Variants in QSER1 observed in about 807,000 individuals in gnomAD.
QSER1 encodes glutamine and serine-rich protein 1.
QSER1 carries 49 observed loss-of-function variants against 158.5 expected under a neutral mutation model. The ratio of observed to expected loss-of-function variants is 0.31; its 90% CI spans 0.25 to 0.39. QSER1 has a LOEUF of 0.39. Ranked by LOEUF, QSER1 falls within the 10% of genes least tolerant of loss-of-function variation. QSER1 has a pLI of 1.00. For missense variants in QSER1, 1,754 were observed against 2,010.3 expected (o/e 0.87, Z 2.44); for synonymous variants, 650 against 715.5 (o/e 0.91, Z 1.46).
intron 11 of QSER1, 92 bp from the exon 12 acceptor site, chr11:32,975,156 G>T: frequency 1.3e-6 from 1 of 796,776 alleles, no homozygotes; most frequent in Non-Finnish European, 1.9e-6. Context: ...TTTCAACATT[G>T]CCATTGAGAC....
At chr11:32,961,981 T>G (rs115907450) in intron 8 of QSER1, among the ~76,000 whole-genome samples, 46 of 152,322 alleles carry the variant, frequency 3.0e-4, no homozygotes, top group African/African-American at 1.1e-3. Flanking sequence ...ATTTTCAATT[T>G]TGGAGGCATA....
rs1292179411 is a variant in QSER1, at chr11:32,980,167, T to C, written c.*3693T>C. 1 of 152,646 alleles carries C rather than the reference T, an allele frequency of 6.6e-6. No individual in the cohort carries two copies. The highest frequency in any genetic ancestry group is 1.5e-5 in the Non-Finnish European group (1 of 68,034). The allele number at this position is 152,646 out of a possible 1,614,324, so 9.5% of individuals were successfully genotyped here. ...TGCATTTGTAGTCCAGCGTTTTCAT[T>C]TGGTCCATAACACAATGTATGGAAA... On this transcript the variant is annotated 3_prime_UTR_variant, in exon 13 of 13. Coordinates refer to ENST00000650167, the MANE Select transcript of QSER1 (RefSeq NM_001076786.3).
intron 4 of QSER1, among the ~76,000 whole-genome samples, chr11:32,951,483 A>G (rs976152254): frequency 1.3e-5 from 2 of 152,158 alleles, no homozygotes; most frequent in African/African-American, 4.8e-5. Context: ...TCAGATTTTT[A>G]TAGGAATTGG....
intron 1 of QSER1, among the ~76,000 whole-genome samples, chr11:32,907,973 A>G (rs1464290580): frequency 2.0e-5 from 3 of 152,190 alleles, no homozygotes; most frequent in Non-Finnish European, 4.4e-5. Context: ...GGTGGCATGC[A>G]TCTGGAGTCT....
chr11:32,905,697 T>C (rs1029565416), intron 1 of QSER1, among the ~76,000 whole-genome samples: 4 of 152,208 alleles, frequency 2.6e-5, no homozygotes, highest in Non-Finnish European at 4.4e-5. Flanking sequence ...CTAAGACTCG[T>C]AAGTTGTGTT....
chr11:32,934,959 G>C lies in QSER1; in HGVS notation c.3701G>C (p.Arg1234Thr). The change falls in exon 4 of 13, where the codon AGG (arginine) becomes ACG (threonine). Residue 1234 changes from arginine (R) to threonine (T), a missense_variant. By Grantham distance (71) the Arg-to-Thr change is moderately conservative. Around this residue, in one of 2 missense-constraint regions of QSER1, gnomAD observed 1,707 missense variants for 1,919.6 expected, o/e 0.89. Transcript: ENST00000650167. The part of the protein sequence containing the change: ...RPAQGKRQNP[R>T]GTDIYLPYTP... ...GCCCAAGGCAAACGCCAGAATCCAA[G>C]GGGAACAGATATTTACTTACCGTAT... 1 of 1,614,106 alleles carries C rather than the reference G, an allele frequency of 6.2e-7. No individual in the cohort carries two copies. The highest frequency in any genetic ancestry group is 8.5e-7 in the Non-Finnish European group (1 of 1,180,002).
At chr11:32,956,590 T>G (rs1043092787) in intron 7 of QSER1, among the ~76,000 whole-genome samples, 1 of 152,234 alleles carries the variant, frequency 6.6e-6, no homozygotes, top group Non-Finnish European at 1.5e-5. Flanking sequence ...CTGGGTTGTC[T>G]GGAGCATGAA....
At chr11:32,901,525 C>T (rs1013387438) in intron 1 of QSER1, among the ~76,000 whole-genome samples, 6 of 152,104 alleles carry the variant, frequency 3.9e-5, no homozygotes, top group Non-Finnish European at 8.8e-5. Flanking sequence ...AGAAGGAGCT[C>T]CTAAGAATAA....
intron 1 of QSER1, among the ~76,000 whole-genome samples, chr11:32,926,440 AAAAAG>A (rs1474395960): frequency 6.6e-6 from 1 of 152,214 alleles, no homozygotes; most frequent in East Asian, 1.9e-4. Flanking sequence ...GTTTAGCAAA[AAAAAG>A]AAAAGTGGGT....
intron 4 of QSER1, among the ~76,000 whole-genome samples, chr11:32,949,855 A>C (rs542813501): frequency 1.0e-3 from 157 of 152,252 alleles, no homozygotes; most frequent in African/African-American, 3.8e-3. Context: ...AGCAACAAGG[A>C]GGTCTTTATT....
At chr11:32,975,191 G>A in intron 11 of QSER1, 57 bp from the exon 12 acceptor site, 1 of 1,243,588 alleles carries the variant, frequency 8.0e-7, no homozygotes, top group South Asian at 1.6e-5. Context: ...TTTCCTCAAA[G>A]TGTTCTTAGC....
At position 32,934,864 on chromosome 11, in the gene QSER1, G is replaced by A; in HGVS notation, c.3606G>A (p.Lys1202=). 3 of 1,614,002 alleles carry A rather than the reference G, an allele frequency of 1.9e-6. No homozygotes were observed. Among genetic ancestry groups the A allele is most frequent in the Non-Finnish European group, 2.5e-6 (3 of 1,179,974 alleles). ...NQDLMHFNLQ[K]KRAKGKGQVK... is the part of the protein sequence containing the mutation. ...ATTTAATGCATTTTAACCTTCAAAA[G>A]AAAAGAGCTAAAGGAAAAGGGCAAG... The change falls in exon 4 of 13, where the codon AAG becomes AAA. Residue 1202 remains lysine, a synonymous_variant. Coordinates refer to ENST00000650167, the MANE Select transcript of QSER1 (RefSeq NM_001076786.3).
At chr11:32,971,988 A>G (rs1444391330) in intron 10 of QSER1, among the ~76,000 whole-genome samples, 1 of 150,942 alleles carries the variant, frequency 6.6e-6, no homozygotes, top group Non-Finnish European at 1.5e-5. Context: ...GCGTGAACCC[A>G]GGAGGCAGAG....
At chr11:32,948,764 T>C (rs578085844) in intron 4 of QSER1, among the ~76,000 whole-genome samples, 1 of 152,336 alleles carries the variant, frequency 6.6e-6, no homozygotes, top group African/African-American at 2.4e-5. Context: ...GCTTTTTTCA[T>C]AGAAATTTTC....
chr11:32,952,935 G>A (rs369751628), intron 4 of QSER1, among the ~76,000 whole-genome samples: 3 of 151,094 alleles, frequency 2.0e-5, no homozygotes, highest in South Asian at 2.1e-4. Context: ...CCTGAGTAGC[G>A]GGGATTAAAG....
rs527898787 is a variant in QSER1 at position 32,967,127 on chromosome 11, A to ATAGT, written c.5107+691_5107+694dup. ...CAGCCGATGAGTGAATAAAGAAAATATAGTGAATACTATTCAGCCATAAAA... is the reference window on the plus strand; with the variant it reads ...CAGCCGATGAGTGAATAAAGAAAATATAGTTAGTGAATACTATTCAGCCATAAAA... On this transcript the variant is annotated intron_variant, in intron 9 of 12. Transcript: ENST00000650167. Among the ~76,000 whole-genome samples the ATAGT allele has an allele frequency of 2.2e-3, 337 of 152,330 alleles. 2 individuals are homozygous for ATAGT. Among genetic ancestry groups the ATAGT allele is most frequent in the Non-Finnish European group, 3.9e-3 (264 of 68,024 alleles).
intron 1 of QSER1, among the ~76,000 whole-genome samples, chr11:32,909,144 G>C (rs1851732178): frequency 6.6e-6 from 1 of 152,076 alleles, no homozygotes; most frequent in Admixed American, 6.5e-5. Flanking sequence ...GGGCAACAGG[G>C]CAAGACTCCA....
chr11:32,976,768 A>G lies in QSER1; in HGVS notation c.*294A>G, dbSNP rs534102849. On this transcript the variant is annotated 3_prime_UTR_variant, in exon 13 of 13. Transcript: ENST00000650167. ...AGAAACATTTTTTGACAAATGATGA[A>G]GCATGCACTAAGTATAATTTTTTTT... 1.6e-4 allele frequency: 43 copies of G among 274,176 alleles called. No homozygotes were observed. The highest frequency in any genetic ancestry group is 9.7e-4 in the African/African-American group (43 of 44,190). The allele number at this position is 274,176 out of a possible 1,614,324, so 17.0% of individuals were successfully genotyped here. A position where few individuals can be genotyped will look rare whatever the true frequency, so the allele number is the denominator to read the frequency against.
At chr11:32,908,874 T>C (rs1851728058) in intron 1 of QSER1, among the ~76,000 whole-genome samples, 1 of 152,142 alleles carries the variant, frequency 6.6e-6, no homozygotes, top group Admixed American at 6.5e-5. Context: ...ATCAGAAATA[T>C]ATGGGCCAGG....
Sources: gnomAD v4.1 joint callset for allele counts (sites outside exome capture counted in the v4.1 genomes callset) on GRCh38, gnomAD v4.1.1 for gene constraint, gnomAD v4.1.1 regional missense constraint, MANE v1.5 for transcripts, NCBI Gene and HGNC (gene_info 2026-07-23, HGNC 2026-07-21) for gene names.